KLHL3: variants seen among roughly 807,000 people sequenced by gnomAD.
KLHL3 encodes the protein kelch-like protein 3.
KLHL3 carries 19 observed loss-of-function variants against 70.5 expected under a neutral mutation model. That is an observed-to-expected ratio of 0.27 (90% CI 0.19 to 0.40). KLHL3 has a LOEUF of 0.40. Ranked by LOEUF, KLHL3 falls within the 10% of genes least tolerant of loss-of-function variation. KLHL3 has a pLI of 1.00. For synonymous variants in KLHL3, 258 were observed against 290.3 expected, an observed-to-expected ratio of 0.89 and a Z score of 1.13; for missense variants, 512 against 771.1, an observed-to-expected ratio of 0.66 and a Z score of 3.98.
At position 137,619,659 on chromosome 5, in the gene KLHL3, CT is replaced by C. The variant is rs1244712428; in HGVS notation, c.*2438del. 1 of 152,742 alleles carries C rather than the reference CT, an allele frequency of 6.5e-6. No individual in the cohort carries two copies. The highest frequency in any genetic ancestry group is 1.5e-5 in the Non-Finnish European group (1 of 68,112). The allele number at this position is 152,742 out of a possible 1,614,324, so 9.5% of individuals were successfully genotyped here. On this transcript the variant is annotated 3_prime_UTR_variant, in exon 15 of 15. Coordinates refer to ENST00000309755, the MANE Select transcript of KLHL3 (RefSeq NM_017415.3). ...TCTGTGGGCAGCTAGAGCAGATTGG[CT>C]TTGGTGATGACGTACCAGTGTTCTG...
chr5:137,678,588 T>C (rs1214612218), intron 5 of KLHL3, among the ~76,000 whole-genome samples: 1 of 152,210 alleles, frequency 6.6e-6, no homozygotes, highest in Non-Finnish European at 1.5e-5. Context: ...CCTGAATAGC[T>C]GGGACTATAG....
chr5:137,642,828 C>T (rs1160556445), intron 8 of KLHL3, among the ~76,000 whole-genome samples: 1 of 151,534 alleles, frequency 6.6e-6, no homozygotes, highest in African/African-American at 2.4e-5. Context: ...AGAAAGTTTG[C>T]TTATACTTGG....
chr5:137,647,518 G>A (rs1020001975), intron 8 of KLHL3: 3 of 471,686 alleles, frequency 6.4e-6, no homozygotes, highest in Non-Finnish European at 1.3e-5. Context: ...TCGGGCAAGA[G>A]TAGAATGCAT....
chr5:137,668,226 A>G (rs993579114), intron 6 of KLHL3, among the ~76,000 whole-genome samples: 3 of 152,198 alleles, frequency 2.0e-5, no homozygotes, highest in Non-Finnish European at 4.4e-5. Context: ...CCTGGCCAAC[A>G]CAGCGAAACT....
At chr5:137,715,913 T>C (rs1351359554) in intron 2 of KLHL3, among the ~76,000 whole-genome samples, 1 of 152,234 alleles carries the variant, frequency 6.6e-6, no homozygotes, top group African/African-American at 2.4e-5. Context: ...CCTCATTTTA[T>C]GGTTGACAAA....
Position 137,622,002 on chromosome 5 carries a change from T to C in KLHL3, c.*96A>G, listed in dbSNP as rs1750320401. 2.2e-6 allele frequency: 3 copies of C among 1,346,390 alleles called. No individual in the cohort carries two copies. The highest frequency in any genetic ancestry group is 3.2e-6 in the Non-Finnish European group (3 of 936,626). The allele number at this position is 1,346,390 out of a possible 1,614,324, so 83.4% of individuals were successfully genotyped here. A position where few individuals can be genotyped will look rare whatever the true frequency, so the allele number is the denominator to read the frequency against. On this transcript the variant is annotated 3_prime_UTR_variant, in exon 15 of 15. Transcript: ENST00000309755. The stretch of plus-strand genomic sequence containing the variant: ...GCGGTTCTCACAGCAGCACAGACCC[T>C]CCCAAGCAAGTTGAATCCAGTCACC...
At chr5:137,675,478 T>C (rs1275204006) in intron 6 of KLHL3, among the ~76,000 whole-genome samples, 1 of 152,206 alleles carries the variant, frequency 6.6e-6, no homozygotes, top group East Asian at 1.9e-4. Flanking sequence ...TTTGGCGTTT[T>C]ATATCCATTA....
intron 11 of KLHL3, among the ~76,000 whole-genome samples, chr5:137,635,903 T>C (rs1246180343): frequency 6.6e-6 from 1 of 152,104 alleles, no homozygotes; most frequent in South Asian, 2.1e-4. Context: ...CTAACCCCCA[T>C]CAACCATTCC....
chr5:137,696,815 A>C (rs1471555620), intron 4 of KLHL3, among the ~76,000 whole-genome samples: 1 of 152,202 alleles, frequency 6.6e-6, no homozygotes, highest in Non-Finnish European at 1.5e-5. Flanking sequence ...GATTATAAAA[A>C]TTGAATGGAA....
chr5:137,697,953 G>A (rs1752483676), intron 4 of KLHL3, among the ~76,000 whole-genome samples: 2 of 152,200 alleles, frequency 1.3e-5, no homozygotes, highest in Non-Finnish European at 2.9e-5. Flanking sequence ...ATGACCTGGG[G>A]AGAATAGGAG....
chr5:137,669,074 T>C (rs976281858), intron 6 of KLHL3, among the ~76,000 whole-genome samples: 3 of 152,090 alleles, frequency 2.0e-5, no homozygotes, highest in Non-Finnish European at 2.9e-5. Context: ...GTGAAACTGC[T>C]AGTCATTTGC....
In KLHL3 at chr5:137,677,531, G is replaced by C; in HGVS notation, c.636+14C>G. 2 of 1,505,316 alleles carry C rather than the reference G, an allele frequency of 1.3e-6. No individual in the cohort carries two copies. The highest frequency in any genetic ancestry group is 1.8e-6 in the Non-Finnish European group (2 of 1,093,550). 93.2% of individuals were successfully genotyped at this position (1,505,316 alleles called of 1,614,324 possible). ...CGAGTGAGGTTCCCGTTTCCCCAGT[G>C]AGCCATGTCATACCTTCTCTTCTGA... On this transcript the variant is annotated intron_variant, in intron 6 of 14. Transcript: ENST00000309755.
In KLHL3 at chr5:137,735,842, C is replaced by T; in HGVS notation, c.-196G>A. The T allele has an allele frequency of 2.9e-6, 2 of 690,934 alleles. No homozygotes were observed. 42.8% of individuals were successfully genotyped at this position (690,934 alleles called of 1,614,324 possible). A position where few individuals can be genotyped will look rare whatever the true frequency, so the allele number is the denominator to read the frequency against. ...CTCGCAGCAGCTTCTACCGCAAAAGCAGCAGCAACAGAAAATGTCTTACCC... is the reference window on the plus strand; with the variant it reads ...CTCGCAGCAGCTTCTACCGCAAAAGTAGCAGCAACAGAAAATGTCTTACCC... On this transcript the variant is annotated 5_prime_UTR_variant, in exon 1 of 15. Transcript: ENST00000309755.
intron 8 of KLHL3, among the ~76,000 whole-genome samples, chr5:137,649,724 C>T (rs1751152285): frequency 6.6e-6 from 1 of 152,232 alleles, no homozygotes; most frequent in South Asian, 2.1e-4. Flanking sequence ...GGGATAATTA[C>T]AGTTATGAAA....
Position 137,692,268 on chromosome 5 carries a change from G to A in KLHL3, c.526+17C>T, listed in dbSNP as rs774893744. On this transcript the variant is annotated intron_variant, in intron 5 of 14. Transcript: ENST00000309755. The stretch of plus-strand genomic sequence containing the variant: ...CCACAAACTCGGAGGAGGTGCAGCA[G>A]TCCGGCTCCCCCTTACCTGCGTAGG... 87 of 1,605,682 alleles carry A rather than the reference G, an allele frequency of 5.4e-5. No homozygotes were observed. Among genetic ancestry groups the A allele is most frequent in the Non-Finnish European group, 6.9e-5 (81 of 1,176,126 alleles).
intron 12 of KLHL3, chr5:137,629,112 C>G (rs576908081): frequency 6.6e-6 from 1 of 152,314 alleles, no homozygotes; most frequent in Admixed American, 6.5e-5. Context: ...CCGTGTTGAT[C>G]AGCCTGAGCT....
chr5:137,723,182 T>C (rs1753030494), intron 1 of KLHL3, among the ~76,000 whole-genome samples: 1 of 152,242 alleles, frequency 6.6e-6, no homozygotes, highest in African/African-American at 2.4e-5. Context: ...ATGATTTCTG[T>C]AGCTTTATAA....
chr5:137,686,187 A>G (rs939165588), intron 5 of KLHL3, among the ~76,000 whole-genome samples: 1 of 152,164 alleles, frequency 6.6e-6, no homozygotes, highest in African/African-American at 2.4e-5. Flanking sequence ...AGAAAACAAA[A>G]CCAGAAGTCC....
At chr5:137,654,416 T>C (rs1751289543) in intron 8 of KLHL3, among the ~76,000 whole-genome samples, 1 of 152,220 alleles carries the variant, frequency 6.6e-6, no homozygotes, top group South Asian at 2.1e-4. Flanking sequence ...TGGGCAAATT[T>C]CTTAACCTCT....
Sources: gnomAD v4.1 joint callset for allele counts (sites outside exome capture counted in the v4.1 genomes callset) on GRCh38, gnomAD v4.1.1 for gene constraint, MANE v1.5 for transcripts, NCBI Gene and HGNC (gene_info 2026-07-23, HGNC 2026-07-21) for gene names.